The following SEMA3A variants were observed in gnomAD, a reference collection of about 807,000 sequenced individuals.
SEMA3A encodes semaphorin 3A.
A neutral mutation model predicts 97.9 loss-of-function variants in SEMA3A; 29 were observed. The observed-to-expected ratio is 0.30, with a 90% CI of 0.22 to 0.40. The LOEUF is 0.40. SEMA3A is among the 10% of genes least tolerant of loss of function. The probability of loss-of-function intolerance (pLI) is 1.00; values close to 1 mark genes in which losing one functional copy is unlikely to be tolerated. For missense variants in SEMA3A, 763 were observed against 951.3 expected, an observed-to-expected ratio of 0.80 and a Z score of 2.60; for synonymous variants, 321 against 323.7, an observed-to-expected ratio of 0.99 and a Z score of 0.09.
intron 1 of SEMA3A, among the ~76,000 whole-genome samples, chr7:84,477,773 T>C (rs1235134965): frequency 2.6e-5 from 4 of 152,234 alleles, no homozygotes; most frequent in African/African-American, 9.6e-5. Flanking sequence ...CTCTTGGTCA[T>C]GAATGACTGC....
intron 1 of SEMA3A, among the ~76,000 whole-genome samples, chr7:84,469,784 T>TA (rs1230296889): frequency 2.0e-5 from 3 of 152,108 alleles, no homozygotes; most frequent in African/African-American, 7.2e-5. Context: ...ATTACTAATG[T>TA]AAAATGAGAT....
intron 1 of SEMA3A, among the ~76,000 whole-genome samples, chr7:84,445,877 A>AT (rs1220831301): frequency 5.3e-5 from 8 of 152,078 alleles, no homozygotes; most frequent in South Asian, 4.1e-4. Flanking sequence ...AATAGAAAAG[A>AT]TAAAAAAAAA....
chr7:84,279,721 T>C (rs1800390949), intron 3 of SEMA3A, among the ~76,000 whole-genome samples: 1 of 152,126 alleles, frequency 6.6e-6, no homozygotes, highest in African/African-American at 2.4e-5. Context: ...AACAAAAGGT[T>C]TTCTAATATG....
intron 10 of SEMA3A, among the ~76,000 whole-genome samples, chr7:84,006,526 C>T (rs529747210): frequency 2.1e-4 from 32 of 152,140 alleles, no homozygotes; most frequent in African/African-American, 7.7e-4. Context: ...AACCTCACCT[C>T]TGGATGTAAA....
At chr7:83,968,207 G>A (rs1167263444) in intron 15 of SEMA3A, among the ~76,000 whole-genome samples, 1 of 152,210 alleles carries the variant, frequency 6.6e-6, no homozygotes, top group East Asian at 1.9e-4. Flanking sequence ...GGATAAGAGT[G>A]ATATAAAATC....
At chr7:84,281,071 A>C (rs1800428611) in intron 3 of SEMA3A, among the ~76,000 whole-genome samples, 2 of 152,068 alleles carry the variant, frequency 1.3e-5, no homozygotes, top group Admixed American at 1.3e-4. Context: ...TTTTGAATTC[A>C]CTGGTATGTT....
chr7:84,064,984 C>A (rs1377463284), intron 4 of SEMA3A, among the ~76,000 whole-genome samples: 2 of 152,200 alleles, frequency 1.3e-5, no homozygotes, highest in Non-Finnish European at 2.9e-5. Flanking sequence ...CGGCACCACA[C>A]CACACCTATT....
chr7:84,160,837 G>A lies in SEMA3A; in HGVS notation c.113-25886C>T, dbSNP rs531702847. Among the ~76,000 whole-genome samples the A allele has an allele frequency of 8.6e-5, 13 of 150,396 alleles. No homozygotes were observed. In the South Asian group the frequency reaches 1.9e-3, roughly 22 times the overall value. ...GGAGGTTGCAGTGAGCCGAGATCCC[G>A]CCATTGCACTCCAGCCTGGGCAACA... On this transcript the variant is annotated intron_variant, in intron 1 of 16. Transcript: ENST00000265362.
At chr7:84,378,454 C>A (rs1803165356) in intron 1 of SEMA3A, among the ~76,000 whole-genome samples, 1 of 152,038 alleles carries the variant, frequency 6.6e-6, no homozygotes, top group African/African-American at 2.4e-5. Context: ...CAAACTAACA[C>A]AGGAACAGAA....
intron 1 of SEMA3A, among the ~76,000 whole-genome samples, chr7:84,393,752 G>A (rs1369784867): frequency 1.3e-5 from 2 of 152,088 alleles, no homozygotes; most frequent in Non-Finnish European, 2.9e-5. Context: ...AAACAGATGA[G>A]CCCTTGGGGT....
chr7:84,419,715 GC>G (rs1170080679), intron 1 of SEMA3A, among the ~76,000 whole-genome samples: 1 of 152,088 alleles, frequency 6.6e-6, no homozygotes, highest in Non-Finnish European at 1.5e-5. Flanking sequence ...AAGATCATAA[GC>G]TTTCACATCT....
chr7:84,427,483 C>T (rs1412104083), intron 1 of SEMA3A, among the ~76,000 whole-genome samples: 4 of 151,274 alleles, frequency 2.6e-5, no homozygotes, highest in Admixed American at 2.0e-4. Context: ...CCTGTCTCTA[C>T]TAAAATTACA....
chr7:84,091,859 T>C (rs1794614196), intron 4 of SEMA3A, among the ~76,000 whole-genome samples: 1 of 152,194 alleles, frequency 6.6e-6, no homozygotes, highest in Non-Finnish European at 1.5e-5. Context: ...AATTCTGAGA[T>C]GCTTTATTTA....
intron 1 of SEMA3A, among the ~76,000 whole-genome samples, chr7:84,379,506 C>T (rs1304765284): frequency 6.6e-6 from 1 of 152,058 alleles, no homozygotes; most frequent in Non-Finnish European, 1.5e-5. Context: ...GAGGAAACTA[C>T]CCATGAGAGA....
chr7:84,206,144 A>G (rs1373734300), intron 3 of SEMA3A, among the ~76,000 whole-genome samples: 1 of 152,140 alleles, frequency 6.6e-6, no homozygotes, highest in Non-Finnish European at 1.5e-5. Flanking sequence ...TTTCAGAATA[A>G]TTTCATAAAA....
At chr7:84,358,039 C>T (rs1230438168) in intron 2 of SEMA3A, among the ~76,000 whole-genome samples, 1 of 152,174 alleles carries the variant, frequency 6.6e-6, no homozygotes, top group African/African-American at 2.4e-5. Context: ...GATATTAGCC[C>T]TTTGTCAGAT....
intron 1 of SEMA3A, among the ~76,000 whole-genome samples, chr7:84,449,413 C>T (rs1805504494): frequency 6.6e-6 from 1 of 151,934 alleles, no homozygotes; most frequent in African/African-American, 2.4e-5. Context: ...AATTGTTAAA[C>T]CTCTAATTAG....
intron 5 of SEMA3A, among the ~76,000 whole-genome samples, chr7:84,051,199 T>C (rs1227797451): frequency 6.7e-6 from 1 of 150,332 alleles, no homozygotes; most frequent in Non-Finnish European, 1.5e-5. Flanking sequence ...GCGGGCTCTT[T>C]TTTGGTTCCA....
intron 2 of SEMA3A, among the ~76,000 whole-genome samples, chr7:84,309,099 T>C (rs1046021082): frequency 2.6e-5 from 4 of 152,086 alleles, no homozygotes; most frequent in Admixed American, 2.6e-4. Flanking sequence ...ATTACAGGCG[T>C]GAGCTACCAC....
Sources: allele counts gnomAD v4.1 joint callset (sites outside exome capture counted in the v4.1 genomes callset), GRCh38; gene constraint gnomAD v4.1.1; transcripts MANE v1.5; gene names NCBI Gene and HGNC (gene_info 2026-07-23, HGNC 2026-07-21).